DPH6: variants seen among roughly 807,000 people sequenced by gnomAD.
DPH6 encodes diphthamine biosynthesis 6.
Under a neutral mutation model 38.2 loss-of-function variants are expected in DPH6, and 33 were observed. That is an observed-to-expected ratio of 0.86 (90% CI 0.65 to 1.15). The LOEUF is 1.15. DPH6 is among the 50% of genes most tolerant of loss of function. DPH6 has a pLI of 0.00. For synonymous variants in DPH6, 108 were observed against 103.0 expected (o/e 1.05, Z -0.30); for missense variants, 325 against 320.0 (o/e 1.02, Z -0.12).
chr15:35,282,715 G>A (rs2051907426), intron 3 of DPH6: 1 of 370,620 alleles, frequency 2.7e-6, no homozygotes, highest in South Asian at 2.7e-5. Flanking sequence ...CATGCCTTAC[G>A]TGGGAAGGAC....
At chr15:35,395,195 T>A (rs1046656749) in intron 6 of DPH6, among the ~76,000 whole-genome samples, 3 of 152,186 alleles carry the variant, frequency 2.0e-5, no homozygotes, top group Non-Finnish European at 4.4e-5. Context: ...TTGGTGCTAA[T>A]TTCTTTTTCA....
intron 5 of DPH6, among the ~76,000 whole-genome samples, chr15:35,436,478 C>CAAAAACAAAACAAAA (rs1367119869): frequency 1.6e-5 from 1 of 61,186 alleles, no homozygotes; most frequent in African/African-American, 5.6e-5. Flanking sequence ...ACAAAACAAA[C>CAAAAACAAAACAAAA]AAAAACAAAA....
intron 3 of DPH6, among the ~76,000 whole-genome samples, chr15:35,318,279 A>G (rs1299014662): frequency 6.6e-6 from 1 of 152,126 alleles, no homozygotes; most frequent in African/African-American, 2.4e-5. Context: ...GTAGCAAAAG[A>G]AAATCCACCA....
At chr15:35,436,498 AC>A (rs1395230737) in intron 5 of DPH6, among the ~76,000 whole-genome samples, 536 of 38,658 alleles carry the variant, frequency 0.014, 31 homozygotes, top group African/African-American at 0.034. Context: ...ACAAAACAAA[AC>A]AAAACAAAAC....
chr15:35,425,198 G>A (rs2053553782), intron 5 of DPH6, among the ~76,000 whole-genome samples: 1 of 151,516 alleles, frequency 6.6e-6, no homozygotes, highest in African/African-American at 2.4e-5. Context: ...AAGATAGTAT[G>A]TCTCACTTTC....
At chr15:35,299,049 C>A (rs989780578) in intron 3 of DPH6, 13 of 728,836 alleles carry the variant, frequency 1.8e-5, no homozygotes, top group African/African-American at 1.6e-4. Flanking sequence ...CCTTTCTTCT[C>A]TTTCTTCTAT....
intron 3 of DPH6, among the ~76,000 whole-genome samples, chr15:35,353,424 A>C (rs1311193686): frequency 6.6e-6 from 1 of 152,172 alleles, no homozygotes; most frequent in Non-Finnish European, 1.5e-5. Flanking sequence ...TCTAACATGT[A>C]AGTCTTTAAT....
chr15:35,234,933 T>C (rs1373295738), intron 3 of DPH6, among the ~76,000 whole-genome samples: 1 of 152,226 alleles, frequency 6.6e-6, no homozygotes, highest in Non-Finnish European at 1.5e-5. Flanking sequence ...AGATAAAATG[T>C]GTGAACACTG....
At chr15:35,404,512 T>C (rs1289316198) in intron 6 of DPH6, among the ~76,000 whole-genome samples, 5 of 152,210 alleles carry the variant, frequency 3.3e-5, no homozygotes, top group South Asian at 2.1e-4. Flanking sequence ...TGTTTGACAC[T>C]TGTGTGTCTT....
the DPH6 span, among the ~76,000 whole-genome samples, chr15:35,159,967 C>T: frequency 3.3e-5 from 5 of 152,124 alleles, no homozygotes; most frequent in African/African-American, 1.2e-4. Flanking sequence ...CCAAATACTG[C>T]ATGTTCTCAC....
intron 3 of DPH6, among the ~76,000 whole-genome samples, chr15:35,296,814 T>G (rs2052018802): frequency 8.0e-6 from 1 of 124,382 alleles, no homozygotes. Context: ...CTTTTTTTTT[T>G]TGAGACGGAG....
At chr15:35,278,201 T>C (rs318355) in intron 3 of DPH6, among the ~76,000 whole-genome samples, 151,943 of 152,354 alleles carry the variant, frequency 1, 75,770 homozygotes, top group Middle Eastern at 1. Flanking sequence ...CCAAGGACAC[T>C]GCTGCCCTGC....
chr15:35,520,837 T>C (rs1349006706), intron 3 of DPH6: 1 of 984,962 alleles, frequency 1.0e-6, no homozygotes, highest in Non-Finnish European at 1.2e-6. Context: ...TTAATACAGG[T>C]ACCATAATAA....
intron 3 of DPH6, among the ~76,000 whole-genome samples, chr15:35,361,547 C>A (rs1316924337): frequency 6.6e-6 from 1 of 150,780 alleles, no homozygotes; most frequent in Non-Finnish European, 1.5e-5. Context: ...TTCTTGTACT[C>A]TCATACTGTA....
chr15:35,181,039 C>T, the DPH6 span, among the ~76,000 whole-genome samples: 2 of 152,204 alleles, frequency 1.3e-5, no homozygotes, highest in African/African-American at 4.8e-5. Flanking sequence ...ATTAAGGGCA[C>T]TGATACTAGC....
intron 5 of DPH6, among the ~76,000 whole-genome samples, chr15:35,412,941 A>G (rs1484082900): frequency 1.3e-5 from 2 of 151,632 alleles, no homozygotes; most frequent in Non-Finnish European, 3.0e-5. Flanking sequence ...AAGCCTGTAG[A>G]ATGTACATCA....
At chr15:35,273,468 G>T (rs1013430274) in intron 3 of DPH6, among the ~76,000 whole-genome samples, 4 of 152,158 alleles carry the variant, frequency 2.6e-5, no homozygotes, top group Non-Finnish European at 5.9e-5. Context: ...TCTGTTTGCG[G>T]ACTACATGGT....
intron 3 of DPH6, among the ~76,000 whole-genome samples, chr15:35,365,129 G>T (rs929577922): frequency 3.3e-5 from 5 of 151,836 alleles, no homozygotes; most frequent in African/African-American, 1.2e-4. Context: ...TGACCAAAAG[G>T]ACTGGTAATA....
chr15:35,282,600 G>A (rs1373934473), intron 3 of DPH6: 4 of 372,704 alleles, frequency 1.1e-5, no homozygotes, highest in Non-Finnish European at 2.2e-5. Context: ...TCCAGAATGG[G>A]AGATGAGCCA....
Sources: allele counts gnomAD v4.1 joint callset (sites outside exome capture counted in the v4.1 genomes callset), GRCh38; gene constraint gnomAD v4.1.1; transcripts MANE v1.5; gene names NCBI Gene and HGNC (gene_info 2026-07-23, HGNC 2026-07-21).